Variants in OR6K3 observed in about 807,000 individuals in gnomAD.
OR6K3 encodes the protein olfactory receptor family 6 subfamily K member 3, also known as olfactory receptor 6K3.
For synonymous variants in OR6K3, 169 were observed against 137.7 expected (o/e 1.23, Z -1.59); for missense variants, 396 against 382.5 (o/e 1.04, Z -0.29).
upstream of OR6K3, chr1:158,724,643 G>A (rs1656345900): frequency 4.3e-6 from 1 of 231,664 alleles, no homozygotes; most frequent in Non-Finnish European, 9.5e-6. Context: ...TGAACACAGA[G>A]CCCGGGGGTC....
Position 158,717,978 on chromosome 1 carries a change from G to A in OR6K3, c.138C>T (p.Phe46=). Residue 46 remains phenylalanine, a synonymous_variant, in exon 2 of 2, where the codon TTC becomes TTT. Coordinates refer to ENST00000368145, the MANE Select transcript of OR6K3 (RefSeq NM_001005327.3). ...GATGGGTGTCCAGCCTTACAGCAGA[G>A]AAGATTAATAAGTTATCAATGATAA... ...TFIIIDNLLI[F]SAVRLDTHLH... 6.2e-7 allele frequency: 1 copy of A among 1,613,050 alleles called. No homozygotes were observed. Among genetic ancestry groups the A allele is most frequent in the Non-Finnish European group, 8.5e-7 (1 of 1,179,246 alleles).
chr1:158,719,486 C>G (rs533126394), intron 1 of OR6K3, among the ~76,000 whole-genome samples: 1 of 152,146 alleles, frequency 6.6e-6, no homozygotes, highest in South Asian at 2.1e-4. Flanking sequence ...CTCCTCTCTC[C>G]CCTGCAATCC....
upstream of OR6K3, chr1:158,724,469 C>T (rs1553243474): frequency 6.4e-5 from 15 of 234,084 alleles, no homozygotes; most frequent in Non-Finnish European, 1.4e-4. Context: ...ATCACATCCT[C>T]AATCAGAATC....
chr1:158,719,142 G>A (rs376352219), intron 1 of OR6K3, among the ~76,000 whole-genome samples: 3 of 151,950 alleles, frequency 2.0e-5, no homozygotes, highest in East Asian at 1.9e-4. Context: ...GGGACGTGAC[G>A]CCCAGATAGC....
chr1:158,717,526 A>C lies in OR6K3; in HGVS notation c.590T>G (p.Ile197Ser). 1.9e-6 allele frequency: 3 copies of C among 1,613,768 alleles called. No individual in the cohort carries two copies. The highest frequency in any genetic ancestry group is 2.5e-6 in the Non-Finnish European group (3 of 1,179,800). ...LACTDTSMIL[I>S]EDVIHAVTII... Reference sequence around the variant, plus strand: ...GGTCACAGCATGAATCACATCCTCAATCAGAATCATGGACGTGTCTGTACA... The same window carrying C: ...GGTCACAGCATGAATCACATCCTCACTCAGAATCATGGACGTGTCTGTACA... The change falls in exon 2 of 2, where the codon ATT (isoleucine) becomes AGT (serine). Residue 197 changes from isoleucine (I) to serine (S), a missense_variant. Transcript: ENST00000368145.
Position 158,717,711 on chromosome 1 carries a change from G to T in OR6K3, c.405C>A (p.Ile135=). 1 of 1,613,822 alleles carries T rather than the reference G, an allele frequency of 6.2e-7. No homozygotes were observed. The highest frequency in any genetic ancestry group is 8.5e-7 in the Non-Finnish European group (1 of 1,179,844). The change falls in exon 2 of 2, where the codon ATC becomes ATA. Residue 135 remains isoleucine (I), a synonymous_variant. Coordinates refer to ENST00000368145, the MANE Select transcript of OR6K3 (RefSeq NM_001005327.3). ...GTTGAGCACAGAGCCGGGGGGTCATGATCATTTGATAGCGAAGAGGGTTGC... is the reference window on the plus strand; with the variant it reads ...GTTGAGCACAGAGCCGGGGGGTCATTATCATTTGATAGCGAAGAGGGTTGC... ...AICNPLRYQM[I]MTPRLCAQLS...
rs28568406 is a variant in OR6K3, at chr1:158,717,373, G to C, written c.743C>G (p.Pro248Arg). Reference protein sequence around the residue: ...STCAGHLMVFPIFFGSVSLMY... With the variant: ...STCAGHLMVFRIFFGSVSLMY... ...GAGTGATACACTGCCAAAGAATATC[G>C]GGAAGACCATGAGGTGGCCTGCACA... Residue 248 changes from proline to arginine, a missense_variant, in exon 2 of 2, where the codon CCG (proline) becomes CGG (arginine). Coordinates refer to ENST00000368145, the MANE Select transcript of OR6K3 (RefSeq NM_001005327.3). 4 of 1,613,264 alleles carry C rather than the reference G, an allele frequency of 2.5e-6. No homozygotes were observed. The South Asian group carries it at 3.3e-5, about 13-fold the overall frequency.
chr1:158,719,330 C>A (rs73013605), intron 1 of OR6K3, among the ~76,000 whole-genome samples: 3,319 of 152,040 alleles, frequency 0.022, 118 homozygotes, highest in African/African-American at 0.076. Flanking sequence ...TAGTTTTATA[C>A]ACTCCCTTAG....
chr1:158,722,578 G>T (rs1656304164), upstream of OR6K3, among the ~76,000 whole-genome samples: 2 of 151,772 alleles, frequency 1.3e-5, no homozygotes, highest in African/African-American at 4.8e-5. Flanking sequence ...TTTTTCCATC[G>T]GTTGTATGTG....
chr1:158,722,117 A>C (rs941751992), upstream of OR6K3, among the ~76,000 whole-genome samples: 1 of 151,906 alleles, frequency 6.6e-6, no homozygotes, highest in African/African-American at 2.4e-5. Flanking sequence ...TGGGCTATGC[A>C]TTTGACAAAG....
At position 158,716,698 on chromosome 1, in the gene OR6K3, G is replaced by A. The variant is rs556475225; in HGVS notation, c.*470C>T. 6.5e-6 allele frequency: 1 copy of A among 154,360 alleles called. No individual in the cohort carries two copies. Among genetic ancestry groups the A allele is most frequent in the African/African-American group, 2.4e-5 (1 of 41,522 alleles). The allele number at this position is 154,360 out of a possible 1,614,324, so 9.6% of individuals were successfully genotyped here. Reference sequence around the variant, plus strand: ...TGATATGCACAGCAACTTTTATAACGATGACACAGAGAGTATAAATATTTT... The same window carrying A: ...TGATATGCACAGCAACTTTTATAACAATGACACAGAGAGTATAAATATTTT... On this transcript the variant is annotated 3_prime_UTR_variant, in exon 2 of 2. Transcript: ENST00000368145.
chr1:158,719,399 C>A (rs570102151), intron 1 of OR6K3, among the ~76,000 whole-genome samples: 1 of 151,954 alleles, frequency 6.6e-6, no homozygotes, highest in African/African-American at 2.4e-5. Context: ...TTTCTCTAAC[C>A]AATCTCTCTT....
rs1267670496 is a variant in OR6K3, at chr1:158,717,890, C to A, written c.226G>T (p.Ala76Ser). The A allele has an allele frequency of 3.7e-6, 6 of 1,613,490 alleles. No homozygotes were observed. In the Middle Eastern group the frequency reaches 4.9e-4, roughly 133 times the overall value. Residue 76 changes from alanine (A) to serine (S), a missense_variant, in exon 2 of 2, where the codon GCC (alanine) becomes TCC (serine). Coordinates refer to ENST00000368145, the MANE Select transcript of OR6K3 (RefSeq NM_001005327.3). Reference sequence around the variant, plus strand: ...TTGGAGAGCATCTTGGGAATGGTGGCTGTGGTGTACCAGATCTCCAGAAAG... The same window carrying A: ...TTGGAGAGCATCTTGGGAATGGTGGATGTGGTGTACCAGATCTCCAGAAAG... ...FSFLEIWYTT[A>S]TIPKMLSNLI...
In OR6K3 at chr1:158,717,048, G is replaced by GT. The variant is rs1010775743; in HGVS notation, c.*119dup. On this transcript the variant is annotated 3_prime_UTR_variant, in exon 2 of 2. Transcript: ENST00000368145. ...CAGGAGAATTGTTCAAAACCAGGAGGTGGAGGTTGCAGTGAGCCAAGATCA... is the reference window on the plus strand; with the variant it reads ...CAGGAGAATTGTTCAAAACCAGGAGGTTGGAGGTTGCAGTGAGCCAAGATCA... The GT allele has an allele frequency of 4.2e-6, 3 of 713,378 alleles. No homozygotes were observed. The highest frequency in any genetic ancestry group is 7.4e-6 in the Non-Finnish European group (3 of 406,360). The allele number at this position is 713,378 out of a possible 1,614,324, so 44.2% of individuals were successfully genotyped here.
upstream of OR6K3, chr1:158,724,554 A>G: frequency 3.8e-6 from 1 of 264,324 alleles, no homozygotes; most frequent in East Asian, 1.0e-4. Flanking sequence ...GGTTGGGTCC[A>G]CAGAAGGGCA....
upstream of OR6K3, among the ~76,000 whole-genome samples, chr1:158,721,834 A>G (rs780286502): frequency 5.3e-5 from 8 of 151,940 alleles, no homozygotes; most frequent in Non-Finnish European, 2.9e-5. Flanking sequence ...CATATCTTCC[A>G]GGCAATCTTA....
chr1:158,722,644 G>A (rs923302599), upstream of OR6K3, among the ~76,000 whole-genome samples: 3 of 151,848 alleles, frequency 2.0e-5, no homozygotes, highest in Non-Finnish European at 4.4e-5. Context: ...GTCCAACACC[G>A]GGCAGATAAG....
upstream of OR6K3, chr1:158,724,940 C>T (rs703145): frequency 0.036 from 6,380 of 179,380 alleles, 411 homozygotes; most frequent in African/African-American, 0.14. Flanking sequence ...ATAAGATTCC[C>T]AATGACAATG....
rs1313943551 is a variant in OR6K3 at position 158,717,195 on chromosome 1, T to C, written c.921A>G (p.Gln307=). 1.2e-6 allele frequency: 2 copies of C among 1,612,518 alleles called. No individual in the cohort carries two copies. The highest frequency in any genetic ancestry group is 1.7e-6 in the Non-Finnish European group (2 of 1,179,014). The stretch of plus-strand genomic sequence containing the variant: ...AACCTCCAGGCTTGTTCAACACTTT[T>C]TGAAGACAGAACAGTTTTTTAATCG... ...NNAIKKLFCL[Q]KVLNKPGG Residue 307 remains glutamine (Q), a synonymous_variant, in exon 2 of 2, where the codon CAA becomes CAG. Transcript: ENST00000368145.
Sources: allele counts gnomAD v4.1 joint callset (sites outside exome capture counted in the v4.1 genomes callset), GRCh38; gene constraint gnomAD v4.1.1; transcripts MANE v1.5; gene names NCBI Gene and HGNC (gene_info 2026-07-23, HGNC 2026-07-21).